The following LSAMP variants were observed in gnomAD, a reference collection of about 807,000 sequenced individuals.
LSAMP encodes limbic system-associated membrane protein.
LSAMP carries 7 observed loss-of-function variants against 38.6 expected under a neutral mutation model. That is an observed-to-expected ratio of 0.18 (90% CI 0.10 to 0.34). LSAMP has a LOEUF of 0.34. Ranked by LOEUF, LSAMP falls within the 10% of genes least tolerant of loss-of-function variation. The pLI is 1.00. For synonymous variants in LSAMP, 154 were observed against 166.8 expected (o/e 0.92, Z 0.59); for missense variants, 313 against 420.0 (o/e 0.75, Z 2.23).
At chr3:115,941,347 A>T (rs1345342760) in intron 3 of LSAMP, among the ~76,000 whole-genome samples, 9 of 152,174 alleles carry the variant, frequency 5.9e-5, no homozygotes, top group Admixed American at 5.9e-4. Flanking sequence ...TGGTATAGCC[A>T]TTATGAAAAA....
chr3:116,087,139 C>A (rs150787668), intron 1 of LSAMP, among the ~76,000 whole-genome samples: 1 of 152,142 alleles, frequency 6.6e-6, no homozygotes, highest in African/African-American at 2.4e-5. Context: ...GAAATCAAAG[C>A]AAACATCATC....
chr3:116,442,433 C>A (rs1201654411), intron 1 of LSAMP, among the ~76,000 whole-genome samples: 1 of 152,028 alleles, frequency 6.6e-6, no homozygotes, highest in African/African-American at 2.4e-5. Context: ...AGCTCATGCA[C>A]CCAGTAAAAT....
At chr3:116,157,817 A>C (rs1709789970) in intron 1 of LSAMP, among the ~76,000 whole-genome samples, 1 of 152,084 alleles carries the variant, frequency 6.6e-6, no homozygotes, top group African/African-American at 2.4e-5. Context: ...ACTATTCCAA[A>C]AAATTGAAGA....
chr3:116,320,819 T>C (rs2047697817), intron 1 of LSAMP, among the ~76,000 whole-genome samples: 2 of 152,144 alleles, frequency 1.3e-5, no homozygotes, highest in Non-Finnish European at 2.9e-5. Flanking sequence ...TGAATGCAGT[T>C]TCATACTTGG....
intron 1 of LSAMP, among the ~76,000 whole-genome samples, chr3:116,158,895 A>G (rs1709818944): frequency 6.6e-6 from 1 of 152,172 alleles, no homozygotes; most frequent in Non-Finnish European, 1.5e-5. Context: ...AGCCAAGGCA[A>G]TCATAAGCAA....
At chr3:115,884,735 T>C (rs976075560) in intron 3 of LSAMP, among the ~76,000 whole-genome samples, 1 of 152,076 alleles carries the variant, frequency 6.6e-6, no homozygotes, top group Admixed American at 6.6e-5. Context: ...CTTTGAAATA[T>C]ACACGCTTTA....
intron 1 of LSAMP, among the ~76,000 whole-genome samples, chr3:116,170,364 G>A (rs2107551833): frequency 6.6e-6 from 1 of 152,216 alleles, no homozygotes; most frequent in East Asian, 1.9e-4. Flanking sequence ...TACTCGCTTT[G>A]TGGCTACTCT....
chr3:115,870,447 T>A (rs186224339), intron 3 of LSAMP, among the ~76,000 whole-genome samples: 1 of 152,268 alleles, frequency 6.6e-6, no homozygotes, highest in African/African-American at 2.4e-5. Flanking sequence ...GTCAGTACAT[T>A]TACATTTTTA....
intron 6 of LSAMP, among the ~76,000 whole-genome samples, chr3:115,819,110 C>G (rs1324627843): frequency 6.6e-6 from 1 of 151,020 alleles, no homozygotes; most frequent in Non-Finnish European, 1.5e-5. Flanking sequence ...AGATCAGGCC[C>G]TTGCACTCCA....
rs140285493 is a variant in LSAMP at position 115,916,173 on chromosome 3, C to T, written c.515-63556G>A. ...AAGAAGGCCACAGAGAGTGCTTGGCCCCACCTTAGGGGATATCTCCCACCT... is the reference window on the plus strand; with the variant it reads ...AAGAAGGCCACAGAGAGTGCTTGGCTCCACCTTAGGGGATATCTCCCACCT... On this transcript the variant is annotated intron_variant, in intron 3 of 6. Coordinates refer to ENST00000490035, the MANE Select transcript of LSAMP (RefSeq NM_002338.5). 8.2e-3 allele frequency among the ~76,000 whole-genome samples: 1,247 copies of T among 152,084 alleles called. 13 individuals carry two copies. Among genetic ancestry groups the T allele is most frequent in the African/African-American group, 0.028 (1,163 of 41,496 alleles).
Position 116,220,187 on chromosome 3 carries a change from C to CACAG in LSAMP, c.156-133632_156-133631insCTGT, listed in dbSNP as rs759111336. On this transcript the variant is annotated intron_variant, in intron 1 of 6. Transcript: ENST00000490035. Reference sequence around the variant, plus strand: ...GACAGAGTGAGACTCCATCTCAAAACACACACACACACACACACACACACA... The same window carrying CACAG: ...GACAGAGTGAGACTCCATCTCAAAACACAGACACACACACACACACACACACACA... Among the ~76,000 whole-genome samples, 358 of 100,874 alleles carry CACAG rather than the reference C, an allele frequency of 3.5e-3. 2 individuals carry two copies. Among genetic ancestry groups the CACAG allele is most frequent in the South Asian group, 0.015 (59 of 3,856 alleles). 66.2% of individuals were successfully genotyped at this position (100,874 alleles called of 152,430 possible). A position where few individuals can be genotyped will look rare whatever the true frequency, so the allele number is the denominator to read the frequency against.
At chr3:116,317,606 T>C (rs1184390027) in intron 1 of LSAMP, among the ~76,000 whole-genome samples, 5 of 151,542 alleles carry the variant, frequency 3.3e-5, no homozygotes, top group Admixed American at 6.6e-5. Context: ...CCACCCTCCT[T>C]GGCCTCCCAA....
chr3:115,855,095 C>A (rs1433862146), intron 3 of LSAMP, among the ~76,000 whole-genome samples: 1 of 152,186 alleles, frequency 6.6e-6, no homozygotes, highest in Admixed American at 6.5e-5. Context: ...ACACTGAATT[C>A]TTTCCAATTC....
intron 1 of LSAMP, among the ~76,000 whole-genome samples, chr3:116,140,922 G>A (rs775106336): frequency 1.1e-4 from 17 of 151,944 alleles, no homozygotes; most frequent in Non-Finnish European, 2.2e-4. Flanking sequence ...AAGGATAAAA[G>A]ATCAGTGGTT....
intron 1 of LSAMP, among the ~76,000 whole-genome samples, chr3:116,166,787 GTTTTTTTTTTT>G (rs35340943): frequency 8.4e-6 from 1 of 118,810 alleles, no homozygotes; most frequent in African/African-American, 3.1e-5. Context: ...TTTTTTTTTT[GTTTTTTTTTTT>G]TTTTTTGAGA....
chr3:116,337,048 T>C (rs781587542), intron 1 of LSAMP, among the ~76,000 whole-genome samples: 6 of 151,708 alleles, frequency 4.0e-5, no homozygotes, highest in Non-Finnish European at 8.8e-5. Context: ...AAAGAAATTA[T>C]GCTAAATGAA....
chr3:116,400,550 C>T (rs1433387536), intron 1 of LSAMP, among the ~76,000 whole-genome samples: 1 of 151,726 alleles, frequency 6.6e-6, no homozygotes, highest in African/African-American at 2.4e-5. Context: ...ACAATCTTAG[C>T]TCACTGCAAC....
chr3:116,135,320 T>G (rs976588808), intron 1 of LSAMP, among the ~76,000 whole-genome samples: 16 of 152,136 alleles, frequency 1.1e-4, no homozygotes, highest in African/African-American at 2.7e-4. Context: ...ATTCACTGAG[T>G]GCTTACTATG....
At chr3:116,025,679 C>A (rs1940774236) in intron 2 of LSAMP, among the ~76,000 whole-genome samples, 1 of 151,888 alleles carries the variant, frequency 6.6e-6, no homozygotes, top group African/African-American at 2.4e-5. Flanking sequence ...TCCACAATAC[C>A]ATTTGTTGAA....
Sources: gnomAD v4.1 joint callset for allele counts (sites outside exome capture counted in the v4.1 genomes callset) on GRCh38, gnomAD v4.1.1 for gene constraint, MANE v1.5 for transcripts, NCBI Gene and HGNC (gene_info 2026-07-23, HGNC 2026-07-21) for gene names.